Variants in DAPK1 observed in about 807,000 individuals in gnomAD.
DAPK1 encodes death associated protein kinase 1, also known as death-associated protein kinase 1.
A neutral mutation model predicts 144.9 loss-of-function variants in DAPK1; 56 were observed. The observed-to-expected ratio is 0.39, with a 90% confidence interval of 0.31 to 0.48. The LOEUF (loss-of-function observed/expected upper bound fraction) is 0.48, where lower values mean the gene tolerates loss of function less well. Among genes scored for constraint, DAPK1 ranks in the 20% least tolerant of loss-of-function variants. The pLI is 0.95. For synonymous variants in DAPK1, 690 were observed against 749.0 expected, an observed-to-expected ratio of 0.92 and a Z score of 1.29; for missense variants, 1,454 against 1,875.4, an observed-to-expected ratio of 0.78 and a Z score of 4.15.
In DAPK1 at chr9:87,517,176, A is replaced by T. The variant is rs142258408; in HGVS notation, c.62+18037A>T. 8.3e-4 allele frequency among the ~76,000 whole-genome samples: 127 copies of T among 152,226 alleles called. 1 individual carries two copies. The highest frequency in any genetic ancestry group is 3.0e-3 in the African/African-American group (123 of 41,528). On this transcript the variant is annotated intron_variant, in intron 2 of 25. Transcript: ENST00000408954. ...AGGGGAGGACAGACAGATGGGACAG[A>T]TGGAGAATAACCAGGAAGGGGCATC...
At chr9:87,511,083 G>A (rs561571073) in intron 2 of DAPK1, among the ~76,000 whole-genome samples, 7 of 152,284 alleles carry the variant, frequency 4.6e-5, no homozygotes, top group African/African-American at 1.7e-4. Context: ...CAGGCAGAGT[G>A]CGGGTGAGGG....
chr9:87,686,461 C>T lies in DAPK1; in HGVS notation c.2225-90C>T, dbSNP rs1187976704. The T allele has an allele frequency of 1.4e-6, 1 of 722,542 alleles. No homozygotes were observed. Among genetic ancestry groups the T allele is most frequent in the African/African-American group, 1.7e-5 (1 of 57,554 alleles). The allele number at this position is 722,542 out of a possible 1,614,324, so 44.8% of individuals were successfully genotyped here. A position where few individuals can be genotyped will look rare whatever the true frequency, so the allele number is the denominator to read the frequency against. Reference sequence around the variant, plus strand: ...GTTGGGGTGGGGACAGAGGCGTGCTCCAGAAAAGGAAACCTCAGGGCCAGC... The same window carrying T: ...GTTGGGGTGGGGACAGAGGCGTGCTTCAGAAAAGGAAACCTCAGGGCCAGC... On this transcript the variant is annotated intron_variant, in intron 20 of 25. Coordinates refer to ENST00000408954, the MANE Select transcript of DAPK1 (RefSeq NM_004938.4). The surrounding 1 kb of genome is among the most constrained non-coding windows in gnomAD (Gnocchi z 4.2).
chr9:87,655,918 C>A (rs911316863), intron 17 of DAPK1, among the ~76,000 whole-genome samples: 2 of 152,188 alleles, frequency 1.3e-5, no homozygotes, highest in Non-Finnish European at 2.9e-5. Flanking sequence ...CCTTCCAGGG[C>A]AGCACTGTGC....
At chr9:87,656,820 G>C (rs776380185) in intron 17 of DAPK1, among the ~76,000 whole-genome samples, 1 of 152,152 alleles carries the variant, frequency 6.6e-6, no homozygotes, top group Admixed American at 6.5e-5. Flanking sequence ...ACCACATCTC[G>C]GCTGTTTAAA....
chr9:87,631,691 T>G (rs1829696676), intron 3 of DAPK1, among the ~76,000 whole-genome samples: 1 of 152,238 alleles, frequency 6.6e-6, no homozygotes, highest in African/African-American at 2.4e-5. Flanking sequence ...GTGCAAGGTT[T>G]TTTTATTGAT....
At chr9:87,569,405 C>T (rs1257771816) in intron 2 of DAPK1, among the ~76,000 whole-genome samples, 1 of 152,224 alleles carries the variant, frequency 6.6e-6, no homozygotes, top group South Asian at 2.1e-4. Flanking sequence ...CAGCGAGACT[C>T]AGGTGATCAT....
rs373422206 is a variant in DAPK1, at chr9:87,632,093, A to AAT, written c.285-5835_285-5834dup. Reference sequence around the variant, plus strand: ...GAAAGTTAATTAGTATATATGTAGAAATATATATATATATATGTATGTGTG... The same window carrying AAT: ...GAAAGTTAATTAGTATATATGTAGAAATATATATATATATATATGTATGTGTG... On this transcript the variant is annotated intron_variant, in intron 3 of 25. Transcript: ENST00000408954. 5.5e-3 allele frequency: 3,198 copies of AAT among 582,922 alleles called. 2 individuals are homozygous for AAT. Among genetic ancestry groups the AAT allele is most frequent in the East Asian group, 6.0e-3 (43 of 7,160 alleles). 36.1% of individuals were successfully genotyped at this position (582,922 alleles called of 1,614,324 possible).
In DAPK1 at chr9:87,653,806, G is replaced by A. The variant is rs1299825988; in HGVS notation, c.1824+2082G>A. Among the ~76,000 whole-genome samples the A allele has an allele frequency of 7.2e-5, 11 of 152,146 alleles. No homozygotes were observed. In the East Asian group the frequency reaches 2.1e-3, roughly 29 times the overall value. On this transcript the variant is annotated intron_variant, in intron 17 of 25. Coordinates refer to ENST00000408954, the MANE Select transcript of DAPK1 (RefSeq NM_004938.4). ...CCTCCTGGGCTCAAGCGATTCTCATGCCTCAGCCTCCTGAGTAGCTGGGAT... is the reference window on the plus strand; with the variant it reads ...CCTCCTGGGCTCAAGCGATTCTCATACCTCAGCCTCCTGAGTAGCTGGGAT...
At chr9:87,689,915 T>G (rs1824998782) in intron 21 of DAPK1, among the ~76,000 whole-genome samples, 1 of 152,212 alleles carries the variant, frequency 6.6e-6, no homozygotes, top group African/African-American at 2.4e-5. Flanking sequence ...AGCCTTGCAG[T>G]GTATTTTGAA....
intron 12 of DAPK1, 62 bp downstream of exon 12, chr9:87,646,076 C>T: frequency 6.4e-7 from 1 of 1,569,478 alleles, no homozygotes; most frequent in Non-Finnish European, 8.7e-7. Context: ...CCTTCCATAT[C>T]CAAGGAAAGA....
intron 22 of DAPK1, 27 bp downstream of exon 22, chr9:87,697,231 A>ATG (rs765570833): frequency 9.3e-7 from 1 of 1,073,664 alleles, no homozygotes; most frequent in Non-Finnish European, 1.4e-6. Context: ...CAGGCCAGTG[A>ATG]TGTCCTACCT....
chr9:87,644,271 G>A (rs971422507), intron 11 of DAPK1, among the ~76,000 whole-genome samples: 1 of 152,142 alleles, frequency 6.6e-6, no homozygotes, highest in African/African-American at 2.4e-5. Flanking sequence ...ACGAGTGGAA[G>A]TGTCCGAATT....
At chr9:87,669,592 T>A (rs1396098001) in intron 19 of DAPK1, among the ~76,000 whole-genome samples, 1 of 152,184 alleles carries the variant, frequency 6.6e-6, no homozygotes, top group Non-Finnish European at 1.5e-5. Flanking sequence ...AAATGATAAT[T>A]CATTTGGTTT....
intron 2 of DAPK1, among the ~76,000 whole-genome samples, chr9:87,558,280 T>A (rs1826789443): frequency 6.6e-6 from 1 of 152,102 alleles, no homozygotes; most frequent in South Asian, 2.1e-4. Context: ...CCCTGAAGCA[T>A]CCCAGGAGCT....
At chr9:87,511,668 T>TTGTGTGTGTGTG (rs59377718) in intron 2 of DAPK1, among the ~76,000 whole-genome samples, 3,601 of 140,676 alleles carry the variant, frequency 0.026, 114 homozygotes, top group Admixed American at 0.06. Context: ...TCTTTTTCTT[T>TTGTGTGTGTGTG]TGTGTGTGTG....
intron 19 of DAPK1, among the ~76,000 whole-genome samples, chr9:87,680,337 C>T (rs36217786): frequency 2.2e-3 from 335 of 152,138 alleles, no homozygotes; most frequent in Non-Finnish European, 4.0e-3. Context: ...ATCTCCTGAC[C>T]CTGGTGATCC....
At chr9:87,683,416 T>C (rs931418341) in intron 20 of DAPK1, among the ~76,000 whole-genome samples, 11 of 152,258 alleles carry the variant, frequency 7.2e-5, no homozygotes, top group African/African-American at 2.6e-4. Context: ...AGGATTTAAG[T>C]GGGGTTCAGT....
Position 87,626,966 on chromosome 9 carries a change from A to G in DAPK1, c.285-10977A>G, listed in dbSNP as rs370815163. Among the ~76,000 whole-genome samples the G allele has an allele frequency of 1.2e-4, 19 of 152,242 alleles. No individual in the cohort carries two copies. In the East Asian group the frequency reaches 3.1e-3, roughly 25 times the overall value. On this transcript the variant is annotated intron_variant, in intron 3 of 25. Transcript: ENST00000408954. ...GGAGGTAGGGATGGGGAGGGCCAGT[A>G]CTGGGGAGGAGGGGAGATGTTCAGA...
intron 19 of DAPK1, among the ~76,000 whole-genome samples, chr9:87,674,678 G>C (rs1349355376): frequency 2.6e-5 from 4 of 152,162 alleles, no homozygotes; most frequent in Non-Finnish European, 4.4e-5. Flanking sequence ...ATTAAAAGTT[G>C]CTGCACCATC....
Sources: allele counts gnomAD v4.1 joint callset (sites outside exome capture counted in the v4.1 genomes callset), GRCh38; gene constraint gnomAD v4.1.1; non-coding constraint Gnocchi (gnomAD v3.1); transcripts MANE v1.5; gene names NCBI Gene and HGNC (gene_info 2026-07-23, HGNC 2026-07-21).